DNMT3A: variants seen among roughly 807,000 people sequenced by gnomAD.
The protein encoded by DNMT3A is DNA (cytosine-5)-methyltransferase 3A.
In DNMT3A, 267 loss-of-function variants were observed where a neutral mutation model predicts 117.6. The observed-to-expected ratio is 2.27, with a 90% CI of 2.05 to 2.51. DNMT3A has a LOEUF of 2.51. Among genes scored for constraint, DNMT3A ranks in the 30% most tolerant of loss-of-function variants. DNMT3A has a pLI of 0.00. For missense variants in DNMT3A, 1,029 were observed against 1,260.2 expected (o/e 0.82, Z 2.78); for synonymous variants, 432 against 474.8 (o/e 0.91, Z 1.17).
At chr2:25,329,238 G>C (rs1485470256) in intron 1 of DNMT3A, among the ~76,000 whole-genome samples, 2 of 152,156 alleles carry the variant, frequency 1.3e-5, no homozygotes, top group Non-Finnish European at 2.9e-5. Context: ...CCTGCCTCCA[G>C]CAGTCCCTGC....
intron 2 of DNMT3A, among the ~76,000 whole-genome samples, chr2:25,300,631 AAATAATATATTATTTAGATATC>A (rs2033386791): frequency 1.1e-5 from 1 of 91,280 alleles, no homozygotes; most frequent in Non-Finnish European, 2.3e-5. Flanking sequence ...TTAGATATCT[AAATAATATATTATTTAGATATC>A]TAAATAATAT....
intron 2 of DNMT3A, among the ~76,000 whole-genome samples, chr2:25,302,650 C>G (rs1464699201): frequency 6.6e-6 from 1 of 152,198 alleles, no homozygotes; most frequent in Non-Finnish European, 1.5e-5. Context: ...GAGGGGAGGC[C>G]TGCTGCTTCT....
At position 25,311,206 on chromosome 2, in the gene DNMT3A, G is replaced by A. The variant is rs939130053; in HGVS notation, c.72+2707C>T. ...CCAGGCAGTGGAAGGGCCATTGGTT[G>A]GCCACACCCCTTCCATCTGGCTTGC... On this transcript the variant is annotated intron_variant, in intron 2 of 22. Transcript: ENST00000321117. The surrounding 1 kb of genome is among the most constrained non-coding windows in gnomAD (Gnocchi z 5.2). Among the ~76,000 whole-genome samples, 1 of 152,088 alleles carries A rather than the reference G, an allele frequency of 6.6e-6. No individual in the cohort carries two copies. Among genetic ancestry groups the A allele is most frequent in the Non-Finnish European group, 1.5e-5 (1 of 67,980 alleles).
rs2033721888 is a variant in DNMT3A, at chr2:25,305,198, T to C, written c.73-4955A>G. ...CCTCTCGGATCTTTACGATTCCAGA[T>C]TAGGAAACAAGAGGACTAAAACGTC... On this transcript the variant is annotated intron_variant, in intron 2 of 22. Coordinates refer to ENST00000321117, the MANE Select transcript of DNMT3A (RefSeq NM_022552.5). The surrounding 1 kb of genome is among the most constrained non-coding windows in gnomAD (Gnocchi z 4.1). Among the ~76,000 whole-genome samples the C allele has an allele frequency of 6.6e-6, 1 of 152,218 alleles. No individual in the cohort carries two copies. Among genetic ancestry groups the C allele is most frequent in the African/African-American group, 2.4e-5 (1 of 41,448 alleles).
intron 6 of DNMT3A, among the ~76,000 whole-genome samples, chr2:25,267,825 T>C (rs780465237): frequency 1.3e-5 from 2 of 152,096 alleles, no homozygotes; most frequent in Non-Finnish European, 2.9e-5. Context: ...CCAGAATGCC[T>C]GTATTGAACG....
At position 25,248,144 on chromosome 2, in the gene DNMT3A, G is replaced by GCTGCTGCA; in HGVS notation, c.740_747dup (p.Pro250CysfsTer69). On this transcript the variant is annotated frameshift_variant, in exon 7 of 23. Transcript: ENST00000321117. LOFTEE classifies it high-confidence loss of function. ...ACAGTGGGGGATGCGGGGTCAGTGGGCTGCTGCACAGCAGGAGGGCTGGCC... is the reference window on the plus strand; with the variant it reads ...ACAGTGGGGGATGCGGGGTCAGTGGGCTGCTGCACTGCTGCACAGCAGGAGGGCTGGCC... 1 of 1,613,816 alleles carries GCTGCTGCA rather than the reference G, an allele frequency of 6.2e-7. No homozygotes were observed. The highest frequency in any genetic ancestry group is 1.1e-5 in the South Asian group (1 of 91,064).
intron 3 of DNMT3A, among the ~76,000 whole-genome samples, chr2:25,295,711 C>A (rs1389604490): frequency 6.6e-6 from 1 of 152,250 alleles, no homozygotes; most frequent in Non-Finnish European, 1.5e-5. Context: ...AAGTCCTGAT[C>A]ATCTTCTCTG....
chr2:25,232,773 A>C lies in DNMT3A; in HGVS notation c.*1506T>G, dbSNP rs377407763. The stretch of plus-strand genomic sequence containing the variant: ...TTTTTGTTTTCTTAAAGAAAATCTT[A>C]AAACAAACATAATTATAACCAGAAC... On this transcript the variant is annotated 3_prime_UTR_variant, in exon 23 of 23. Transcript: ENST00000321117. This position sits in a 1 kb window ranked among gnomAD's most constrained non-coding sequence, Gnocchi z 4.1. 1.1e-3 allele frequency: 209 copies of C among 194,188 alleles called. 2 individuals are homozygous for C. The highest frequency in any genetic ancestry group is 7.2e-3 in the Middle Eastern group (4 of 556). 12.0% of individuals were successfully genotyped at this position (194,188 alleles called of 1,614,324 possible).
At chr2:25,316,915 C>T (rs1274288805) in intron 1 of DNMT3A, among the ~76,000 whole-genome samples, 2 of 152,226 alleles carry the variant, frequency 1.3e-5, no homozygotes, top group African/African-American at 4.8e-5. Context: ...AGGAATCCCA[C>T]CATGAAAACA....
At chr2:25,300,025 A>C in intron 3 of DNMT3A, 114 bp downstream of exon 3, 1 of 1,074,662 alleles carries the variant, frequency 9.3e-7, no homozygotes, top group Non-Finnish European at 1.3e-6. Context: ...ATACCCCATC[A>C]CCTGGTCTTA....
chr2:25,300,715 AT>A (rs2033423428), intron 2 of DNMT3A, among the ~76,000 whole-genome samples: 100 of 4,534 alleles, frequency 0.022, 6 homozygotes, highest in Middle Eastern at 0.17. Flanking sequence ...ATAATATAAT[AT>A]ATATATATAT....
At chr2:25,258,449 C>T (rs908567819) in intron 6 of DNMT3A, among the ~76,000 whole-genome samples, 1 of 152,184 alleles carries the variant, frequency 6.6e-6, no homozygotes, top group African/African-American at 2.4e-5. Flanking sequence ...ACCTAAACAC[C>T]GGATCAGGTC....
In DNMT3A at chr2:25,257,956, G is replaced by A. The variant is rs1225172885; in HGVS notation, c.640-9704C>T. On this transcript the variant is annotated intron_variant, in intron 6 of 22. Coordinates refer to ENST00000321117, the MANE Select transcript of DNMT3A (RefSeq NM_022552.5). The surrounding 1 kb of genome is among the most constrained non-coding windows in gnomAD (Gnocchi z 4.8). ...GAGAGAAGTGGTCTGGAGAGAGGAG[G>A]GGAAGCAGAAGGAGATGGAGGTCAG... Among the ~76,000 whole-genome samples the A allele has an allele frequency of 2.6e-5, 4 of 152,232 alleles. No individual in the cohort carries two copies. Among genetic ancestry groups the A allele is most frequent in the Admixed American group, 6.5e-5 (1 of 15,286 alleles).
rs1675955714 is a variant in DNMT3A, at chr2:25,254,586, G to T, written c.640-6334C>A. 6.6e-6 allele frequency among the ~76,000 whole-genome samples: 1 copy of T among 152,126 alleles called. No homozygotes were observed. The highest frequency in any genetic ancestry group is 2.4e-5 in the African/African-American group (1 of 41,412). On this transcript the variant is annotated intron_variant, in intron 6 of 22. Coordinates refer to ENST00000321117, the MANE Select transcript of DNMT3A (RefSeq NM_022552.5). The surrounding 1 kb of genome is among the most constrained non-coding windows in gnomAD (Gnocchi z 4.7). ...TTCCAGGGGCTCCCCAAGCAGAAGTGAGAAGCCCAGAATTTGTCCCTCTTG... is the reference window on the plus strand; with the variant it reads ...TTCCAGGGGCTCCCCAAGCAGAAGTTAGAAGCCCAGAATTTGTCCCTCTTG...
intron 1 of DNMT3A, among the ~76,000 whole-genome samples, chr2:25,315,150 T>C (rs915109889): frequency 2.6e-5 from 4 of 152,280 alleles, no homozygotes; most frequent in African/African-American, 9.6e-5. Flanking sequence ...CCCTTCCAGT[T>C]CCTGGTTCTG....
intron 6 of DNMT3A, among the ~76,000 whole-genome samples, chr2:25,274,068 A>G (rs2031183561): frequency 6.6e-6 from 1 of 151,680 alleles, no homozygotes; most frequent in South Asian, 2.1e-4. Flanking sequence ...TACAGCCCAG[A>G]CTCCAGGCAC....
chr2:25,323,582 A>AC (rs1445865663), intron 1 of DNMT3A, among the ~76,000 whole-genome samples: 18 of 152,324 alleles, frequency 1.2e-4, no homozygotes, highest in Middle Eastern at 3.4e-3. Context: ...TGCTGTGAAA[A>AC]TTAAAATGGA....
At chr2:25,274,797 G>A (rs1376680921) in intron 6 of DNMT3A, 144 bp downstream of exon 6, 1 of 1,227,506 alleles carries the variant, frequency 8.1e-7, no homozygotes, top group Admixed American at 2.8e-5. Context: ...TGCTGAAGGA[G>A]CAGATGAACC....
At chr2:25,300,094 G>A (rs567293290) in intron 3 of DNMT3A, 45 bp downstream of exon 3, 1 of 1,595,996 alleles carries the variant, frequency 6.3e-7, no homozygotes, top group African/African-American at 1.3e-5. Flanking sequence ...AGGCACGTGT[G>A]TGTTGTGTGT....
Sources: allele counts gnomAD v4.1 joint callset (sites outside exome capture counted in the v4.1 genomes callset), GRCh38; gene constraint gnomAD v4.1.1; non-coding constraint Gnocchi (gnomAD v3.1); transcripts MANE v1.5; gene names NCBI Gene and HGNC (gene_info 2026-07-23, HGNC 2026-07-21).